The following RORA variants were observed in gnomAD, a reference collection of about 807,000 sequenced individuals.
RORA encodes the protein RAR related orphan receptor A.
A neutral mutation model predicts 69.5 loss-of-function variants in RORA; 7 were observed. The observed-to-expected ratio is 0.10, with a 90% CI of 0.06 to 0.19. The LOEUF (loss-of-function observed/expected upper bound fraction) is 0.19. Ranked by LOEUF, RORA falls within the 10% of genes least tolerant of loss-of-function variation. The probability of loss-of-function intolerance (pLI) is 1.00; values close to 1 mark genes in which losing one functional copy is unlikely to be tolerated. For synonymous variants in RORA, 261 were observed against 240.8 expected (o/e 1.08, Z -0.78); for missense variants, 457 against 663.0 (o/e 0.69, Z 3.41).
chr15:60,708,705 C>A (rs1410792466), intron 1 of RORA, among the ~76,000 whole-genome samples: 1 of 152,234 alleles, frequency 6.6e-6, no homozygotes, highest in Non-Finnish European at 1.5e-5. Context: ...ACTTTCCCCC[C>A]AACCCTGTTC....
At chr15:60,904,736 G>A (rs1175796017) in intron 1 of RORA, among the ~76,000 whole-genome samples, 2 of 152,272 alleles carry the variant, frequency 1.3e-5, no homozygotes, top group East Asian at 3.9e-4. Flanking sequence ...GACAGAAAAC[G>A]TTTTCCTCAC....
At chr15:60,874,959 A>G (rs893698035) in intron 1 of RORA, among the ~76,000 whole-genome samples, 17 of 152,234 alleles carry the variant, frequency 1.1e-4, no homozygotes, top group African/African-American at 4.1e-4. Context: ...TTATCAGGGC[A>G]TATGGCTCAC....
chr15:60,750,889 C>T (rs2071714252), intron 1 of RORA, among the ~76,000 whole-genome samples: 1 of 152,146 alleles, frequency 6.6e-6, no homozygotes, highest in South Asian at 2.1e-4. Flanking sequence ...ATCTGAGGGG[C>T]GAAGGGCAGG....
rs1891499967 is a variant in RORA, at chr15:60,905,136, C to T, written c.167-226450G>A. Among the ~76,000 whole-genome samples, 1 of 152,186 alleles carries T rather than the reference C, an allele frequency of 6.6e-6. No homozygotes were observed. Among genetic ancestry groups the T allele is most frequent in the Admixed American group, 6.5e-5 (1 of 15,276 alleles). On this transcript the variant is annotated intron_variant, in intron 1 of 10. Coordinates refer to ENST00000335670, the MANE Select transcript of RORA (RefSeq NM_134261.3). The surrounding 1 kb of genome is among the most constrained non-coding windows in gnomAD (Gnocchi z 4.8). ...GGGAGGCTTGGAAATATTTTAGTTA[C>T]ATAAACTGACATCAACCCCTCTTCT...
chr15:60,508,897 A>T (rs1197062139), intron 5 of RORA, among the ~76,000 whole-genome samples: 1 of 152,214 alleles, frequency 6.6e-6, no homozygotes, highest in South Asian at 2.1e-4. Flanking sequence ...TTCAGGTACT[A>T]ATTGTACACC....
intron 2 of RORA, among the ~76,000 whole-genome samples, chr15:60,622,560 C>T (rs977601875): frequency 2.0e-5 from 3 of 152,014 alleles, no homozygotes; most frequent in African/African-American, 7.2e-5. Flanking sequence ...TGCAGTGAGG[C>T]GGAGGTTTCA....
chr15:60,986,611 G>T lies in RORA; in HGVS notation c.166+242442C>A, dbSNP rs3803480. ...CTGAGGACAACACAAGGTTATCAGG[G>T]ACAGGGTGAAGGCTTTCTTTCAAGT... On this transcript the variant is annotated intron_variant, in intron 1 of 10. Transcript: ENST00000335670. 1.6e-4 allele frequency among the ~76,000 whole-genome samples: 24 copies of T among 152,140 alleles called. No individual in the cohort carries two copies. In the East Asian group the frequency reaches 2.7e-3, roughly 17 times the overall value.
At chr15:60,515,902 A>T (rs1464679277) in intron 3 of RORA, among the ~76,000 whole-genome samples, 39 of 106,074 alleles carry the variant, frequency 3.7e-4, no homozygotes, top group Non-Finnish European at 5.0e-4. Flanking sequence ...ATATATATTT[A>T]TATATATTGT....
At position 60,946,767 on chromosome 15, in the gene RORA, C is replaced by T. The variant is rs545095943; in HGVS notation, c.167-268081G>A. Among the ~76,000 whole-genome samples the T allele has an allele frequency of 3.3e-4, 50 of 151,536 alleles. 1 individual carries two copies. Among genetic ancestry groups the T allele is most frequent in the African/African-American group, 1.2e-3 (48 of 41,326 alleles). ...TGAGGAGCCCCTCTGCCCGGCTGCC[C>T]AGTCTGGGAAGTGAGGAGCACCTCT... On this transcript the variant is annotated intron_variant, in intron 1 of 10. Transcript: ENST00000335670.
intron 1 of RORA, among the ~76,000 whole-genome samples, chr15:60,968,667 C>CT (rs5813056): frequency 0.3 from 43,605 of 145,542 alleles, 7,027 homozygotes; most frequent in Non-Finnish European, 0.39. Context: ...CAACATAAAT[C>CT]TTTTTTTTTT....
intron 2 of RORA, among the ~76,000 whole-genome samples, chr15:60,606,671 A>G (rs994629475): frequency 6.6e-6 from 1 of 152,218 alleles, no homozygotes; most frequent in African/African-American, 2.4e-5. Flanking sequence ...CCTATTCTTG[A>G]CTATGCACCA....
chr15:60,749,310 T>C (rs893569282), intron 1 of RORA, among the ~76,000 whole-genome samples: 5 of 152,260 alleles, frequency 3.3e-5, no homozygotes, highest in East Asian at 1.9e-4. Flanking sequence ...AAAACATAGA[T>C]GTAAAACTTA....
In RORA at chr15:60,991,882, C is replaced by G. The variant is rs184441826; in HGVS notation, c.166+237171G>C. On this transcript the variant is annotated intron_variant, in intron 1 of 10. Transcript: ENST00000335670. The stretch of plus-strand genomic sequence containing the variant: ...GACAGCATCCCTGTACTCCAGCCTG[C>G]GTGACAGAGCGAGACCGTGCCTCAA... Among the ~76,000 whole-genome samples, 639 of 151,280 alleles carry G rather than the reference C, an allele frequency of 4.2e-3. 8 individuals are homozygous for G. The highest frequency in any genetic ancestry group is 0.015 in the African/African-American group (611 of 41,150).
intron 1 of RORA, chr15:60,764,063 T>C (rs1595695880): frequency 1.3e-5 from 2 of 152,328 alleles, no homozygotes; most frequent in African/African-American, 4.8e-5. Context: ...AGAACCCGTT[T>C]TGTTTTAACA....
intron 2 of RORA, among the ~76,000 whole-genome samples, chr15:60,587,109 C>A (rs1473892983): frequency 6.6e-6 from 1 of 152,148 alleles, no homozygotes; most frequent in Non-Finnish European, 1.5e-5. Context: ...ATAGATATAT[C>A]TCTCAATTCT....
At chr15:60,883,666 TTTTA>T (rs2073717187) in intron 1 of RORA, among the ~76,000 whole-genome samples, 1 of 152,242 alleles carries the variant, frequency 6.6e-6, no homozygotes. Context: ...ATTAGAATCT[TTTTA>T]TTTTTCTGTT....
In RORA at chr15:61,086,924, A is replaced by G. The variant is rs57629520; in HGVS notation, c.166+142129T>C. Among the ~76,000 whole-genome samples the G allele has an allele frequency of 8.9e-3, 1,352 of 152,266 alleles. 29 individuals carry two copies. Among genetic ancestry groups the G allele is most frequent in the African/African-American group, 0.031 (1,282 of 41,546 alleles). On this transcript the variant is annotated intron_variant, in intron 1 of 10. Coordinates refer to ENST00000335670, the MANE Select transcript of RORA (RefSeq NM_134261.3). The stretch of plus-strand genomic sequence containing the variant: ...GCGGTGGTTCACGCCTGGAATCTCA[A>G]TGCTTTTGTAGGCCAAGGCGGAAGG...
chr15:61,204,108 C>A (rs754996200), intron 1 of RORA, among the ~76,000 whole-genome samples: 2 of 152,270 alleles, frequency 1.3e-5, no homozygotes, highest in Middle Eastern at 3.4e-3. Flanking sequence ...CGCTGTAATG[C>A]AGAAAATACA....
In RORA at chr15:61,175,541, T is replaced by TAAATAAAAA. The variant is rs61188463; in HGVS notation, c.166+53511_166+53512insTTTTTATTT. Among the ~76,000 whole-genome samples the TAAATAAAAA allele has an allele frequency of 5.1e-3, 614 of 120,170 alleles. 42 individuals carry two copies. The highest frequency in any genetic ancestry group is 5.8e-3 in the African/African-American group (186 of 31,856). 78.8% of individuals were successfully genotyped at this position (120,170 alleles called of 152,430 possible). ...GAGCAACATAGTGAGATCCTGTTTCTAAAAAAAAAAAAAAAAAACTTGCCA... is the reference window on the plus strand; with the variant it reads ...GAGCAACATAGTGAGATCCTGTTTCTAAATAAAAAAAAAAAAAAAAAAAAAAACTTGCCA... On this transcript the variant is annotated intron_variant, in intron 1 of 10. Transcript: ENST00000335670.
Sources: gnomAD v4.1 joint callset for allele counts (sites outside exome capture counted in the v4.1 genomes callset) on GRCh38, gnomAD v4.1.1 for gene constraint, Gnocchi (gnomAD v3.1) non-coding constraint, MANE v1.5 for transcripts, NCBI Gene and HGNC (gene_info 2026-07-23, HGNC 2026-07-21) for gene names.